RPS6KC1: variants seen among roughly 807,000 people sequenced by gnomAD.
RPS6KC1 encodes the protein ribosomal protein S6 kinase C1.
In RPS6KC1, 54 loss-of-function variants were observed where a neutral mutation model predicts 103.8. That is an observed-to-expected ratio of 0.52 (90% CI 0.42 to 0.65). The LOEUF is 0.65. RPS6KC1 is among the 30% of genes least tolerant of loss of function. RPS6KC1 has a pLI of 0.00. For missense variants in RPS6KC1, 1,151 were observed against 1,253.8 expected, an observed-to-expected ratio of 0.92 and a Z score of 1.24; for synonymous variants, 439 against 438.7, an observed-to-expected ratio of 1.00 and a Z score of -0.01.
At chr1:213,506,351 G>A in the RPS6KC1 span, among the ~76,000 whole-genome samples, 1 of 152,204 alleles carries the variant, frequency 6.6e-6, no homozygotes, top group African/African-American at 2.4e-5. Context: ...ACCCATACCA[G>A]ATGAGATTAG....
At position 213,176,431 on chromosome 1, in the gene RPS6KC1, G is replaced by T; in HGVS notation, c.983G>T (p.Trp328Leu). The T allele has an allele frequency of 6.2e-7, 1 of 1,608,520 alleles. No homozygotes were observed. The highest frequency in any genetic ancestry group is 8.5e-7 in the Non-Finnish European group (1 of 1,175,946). ...GGATCACTAAGTTCAAGGCCCCTTT[G>T]GAACCTAAGGAGCCCTGCCGAGGAG... ...PPGSLSSRPL[W>L]NLRSPAEELK... Residue 328 changes from tryptophan to leucine, a missense_variant, in exon 8 of 15, where the codon TGG becomes TTG. This residue lies in a region of RPS6KC1 where 959 missense variants were observed against 1,006.3 expected (regional missense o/e 0.95). Coordinates refer to ENST00000366960, the MANE Select transcript of RPS6KC1 (RefSeq NM_012424.6).
chr1:213,452,196 T>C, the RPS6KC1 span, among the ~76,000 whole-genome samples: 2 of 152,210 alleles, frequency 1.3e-5, no homozygotes, highest in African/African-American at 4.8e-5. Context: ...CAATGGCCCA[T>C]GGCTGAAGAG....
the RPS6KC1 span, among the ~76,000 whole-genome samples, chr1:213,599,700 C>T: frequency 6.6e-6 from 1 of 152,198 alleles, no homozygotes; most frequent in Non-Finnish European, 1.5e-5. Context: ...AAATCTGTCG[C>T]TTGTACCAAT....
chr1:213,817,968 G>T, the RPS6KC1 span: 2 of 152,024 alleles, frequency 1.3e-5, no homozygotes, highest in African/African-American at 4.8e-5. Context: ...ATCTGTTATG[G>T]CAATCTATGA....
chr1:213,083,522 G>T (rs1265322814), intron 3 of RPS6KC1, among the ~76,000 whole-genome samples: 2 of 152,202 alleles, frequency 1.3e-5, no homozygotes, highest in Non-Finnish European at 2.9e-5. Context: ...CACAGGTTAG[G>T]AAGATTGTAC....
At chr1:213,773,251 C>CAGGT in the RPS6KC1 span, among the ~76,000 whole-genome samples, 1 of 151,972 alleles carries the variant, frequency 6.6e-6, no homozygotes, top group South Asian at 2.1e-4. Flanking sequence ...CTGTTGCAGG[C>CAGGT]CCTTTGGAGC....
intron 8 of RPS6KC1, among the ~76,000 whole-genome samples, chr1:213,227,805 C>T (rs943547224): frequency 6.6e-6 from 1 of 152,188 alleles, no homozygotes; most frequent in African/African-American, 2.4e-5. Context: ...TCAGCCTTAT[C>T]ATTTCTGTGC....
intron 5 of RPS6KC1, among the ~76,000 whole-genome samples, chr1:213,123,229 G>C (rs765325597): frequency 5.9e-5 from 9 of 152,088 alleles, no homozygotes; most frequent in Non-Finnish European, 1.2e-4. Flanking sequence ...AACTCAGCAT[G>C]AGCTACTTGC....
At chr1:213,453,942 G>A in the RPS6KC1 span, among the ~76,000 whole-genome samples, 259 of 152,134 alleles carry the variant, frequency 1.7e-3, no homozygotes, top group African/African-American at 5.3e-3. Flanking sequence ...AAAAACTTGC[G>A]GACAAACCAT....
chr1:213,562,091 A>G, the RPS6KC1 span, among the ~76,000 whole-genome samples: 1 of 152,220 alleles, frequency 6.6e-6, no homozygotes, highest in Non-Finnish European at 1.5e-5. Flanking sequence ...GATGTCAATT[A>G]GTTGGATGAA....
chr1:213,615,561 A>G, the RPS6KC1 span, among the ~76,000 whole-genome samples: 1 of 152,228 alleles, frequency 6.6e-6, no homozygotes, highest in Non-Finnish European at 1.5e-5. Context: ...GAAGCCTGTT[A>G]AGAGCAAGAC....
At chr1:213,726,545 C>T in the RPS6KC1 span, among the ~76,000 whole-genome samples, 2 of 152,178 alleles carry the variant, frequency 1.3e-5, no homozygotes, top group Non-Finnish European at 2.9e-5. Context: ...ATCTATGTCT[C>T]ACCTGTGGGG....
chr1:213,428,518 C>CTT, the RPS6KC1 span, among the ~76,000 whole-genome samples: 12 of 54,986 alleles, frequency 2.2e-4, no homozygotes, highest in Non-Finnish European at 4.3e-4. Flanking sequence ...TCCTTCCTTC[C>CTT]TCTTTCTCTC....
chr1:213,327,864 C>T, the RPS6KC1 span, among the ~76,000 whole-genome samples: 1 of 152,130 alleles, frequency 6.6e-6, no homozygotes, highest in Non-Finnish European at 1.5e-5. Context: ...TTTCCCAGAT[C>T]GTTCCAAGTC....
At chr1:213,502,252 A>T in the RPS6KC1 span, among the ~76,000 whole-genome samples, 1 of 152,204 alleles carries the variant, frequency 6.6e-6, no homozygotes, top group Middle Eastern at 3.2e-3. Context: ...TAAGACTGGG[A>T]TGACAGATTG....
chr1:213,485,068 G>A, the RPS6KC1 span, among the ~76,000 whole-genome samples: 1 of 152,218 alleles, frequency 6.6e-6, no homozygotes, highest in African/African-American at 2.4e-5. Flanking sequence ...GTCCCACTAA[G>A]TTGCCCAAGC....
the RPS6KC1 span, among the ~76,000 whole-genome samples, chr1:213,638,865 A>G: frequency 6.6e-6 from 1 of 152,048 alleles, no homozygotes; most frequent in African/African-American, 2.4e-5. Context: ...GTGTTTTAGA[A>G]TCTGCCTACC....
chr1:213,643,450 A>AAT, the RPS6KC1 span, among the ~76,000 whole-genome samples: 2 of 151,742 alleles, frequency 1.3e-5, no homozygotes, highest in Non-Finnish European at 2.9e-5. Flanking sequence ...GGTTATTGTA[A>AAT]ATATATGGGA....
the RPS6KC1 span, among the ~76,000 whole-genome samples, chr1:213,395,253 A>G: frequency 6.6e-6 from 1 of 152,154 alleles, no homozygotes; most frequent in Non-Finnish European, 1.5e-5. Flanking sequence ...TTAAATATCC[A>G]GCTGCAGGGT....
Sources: gnomAD v4.1 joint callset for allele counts (sites outside exome capture counted in the v4.1 genomes callset) on GRCh38, gnomAD v4.1.1 for gene constraint, gnomAD v4.1.1 regional missense constraint, MANE v1.5 for transcripts, NCBI Gene and HGNC (gene_info 2026-07-23, HGNC 2026-07-21) for gene names.